The following ABLIM2 variants were observed in gnomAD, a reference collection of about 807,000 sequenced individuals.
The protein encoded by ABLIM2 is actin binding LIM protein family member 2, also known as actin-binding LIM protein 2.
A neutral mutation model predicts 97.7 loss-of-function variants in ABLIM2; 53 were observed. The observed-to-expected ratio is 0.54, with a 90% CI of 0.44 to 0.68. The LOEUF is 0.68. ABLIM2 is among the 30% of genes least tolerant of loss of function. The pLI, the probability that ABLIM2 is intolerant of heterozygous loss-of-function variation, is 0.00. For missense variants in ABLIM2, 835 were observed against 867.2 expected, an observed-to-expected ratio of 0.96 and a Z score of 0.47; for synonymous variants, 361 against 345.8, an observed-to-expected ratio of 1.04 and a Z score of -0.49.
rs143097891 is a variant in ABLIM2 at position 8,070,562 on chromosome 4, G to A, written c.675+7066C>T. Among the ~76,000 whole-genome samples, 41 of 152,240 alleles carry A rather than the reference G, an allele frequency of 2.7e-4. 1 individual carries two copies. The highest frequency in any genetic ancestry group is 7.2e-4 in the African/African-American group (30 of 41,520). On this transcript the variant is annotated intron_variant, in intron 6 of 20. Coordinates refer to ENST00000447017, the MANE Select transcript of ABLIM2 (RefSeq NM_001130083.2). Reference sequence around the variant, plus strand: ...GTGCTTCCTGCCCCAAGACAGACAGGAGGAAGCAAAGAACAAATGTCCCGC... The same window carrying A: ...GTGCTTCCTGCCCCAAGACAGACAGAAGGAAGCAAAGAACAAATGTCCCGC...
At chr4:8,035,768 G>A (rs956090390) in intron 10 of ABLIM2, among the ~76,000 whole-genome samples, 8 of 152,314 alleles carry the variant, frequency 5.3e-5, no homozygotes, top group African/African-American at 1.4e-4. Context: ...AGGGTGGCAC[G>A]GGCCAAGAGT....
rs1262844244 is a variant in ABLIM2, at chr4:8,130,888, C to T, written c.11-24251G>A. ...CTTGCCTGGCTGCTGGGGCGGCCTG[C>T]ATTTCCTGACTTGTGGACGGCAAGG... On this transcript the variant is annotated intron_variant, in intron 1 of 20. Coordinates refer to ENST00000447017, the MANE Select transcript of ABLIM2 (RefSeq NM_001130083.2). The surrounding 1 kb of genome is among the most constrained non-coding windows in gnomAD (Gnocchi z 4.2). Among the ~76,000 whole-genome samples the T allele has an allele frequency of 6.6e-6, 1 of 152,208 alleles. No individual in the cohort carries two copies. The highest frequency in any genetic ancestry group is 1.5e-5 in the Non-Finnish European group (1 of 68,034).
rs1163722952 is a variant in ABLIM2, at chr4:7,966,979, G to A, written c.*11C>T. 4 of 1,609,702 alleles carry A rather than the reference G, an allele frequency of 2.5e-6. No individual in the cohort carries two copies. In the Admixed American group the frequency reaches 5.0e-5, roughly 20 times the overall value. On this transcript the variant is annotated 3_prime_UTR_variant, in exon 21 of 21. Coordinates refer to ENST00000447017, the MANE Select transcript of ABLIM2 (RefSeq NM_001130083.2). ...CGCCCGGCACACACCAGTGGGGCAG[G>A]CTGGCAGCCGTCAGAACAAAAGGGC...
rs538126410 is a variant in ABLIM2, at chr4:8,083,764, C to T, written c.455-2962G>A. Among the ~76,000 whole-genome samples, 1 of 152,200 alleles carries T rather than the reference C, an allele frequency of 6.6e-6. No homozygotes were observed. Reference sequence around the variant, plus strand: ...GATGTCCCTAGCAGGGCAGAAGGGGCCCCAGGACCCCCCAATGTCAGCTGG... The same window carrying T: ...GATGTCCCTAGCAGGGCAGAAGGGGTCCCAGGACCCCCCAATGTCAGCTGG... On this transcript the variant is annotated intron_variant, in intron 4 of 20. Transcript: ENST00000447017. This position sits in a 1 kb window ranked among gnomAD's most constrained non-coding sequence, Gnocchi z 4.6.
rs1820781133 is a variant in ABLIM2, at chr4:8,082,819, A to G, written c.455-2017T>C. Among the ~76,000 whole-genome samples the G allele has an allele frequency of 6.6e-6, 1 of 152,180 alleles. No individual in the cohort carries two copies. Among genetic ancestry groups the G allele is most frequent in the African/African-American group, 2.4e-5 (1 of 41,448 alleles). ...CTCAAGTCCAGGAGGCGACCCCCAC[A>G]TCACCCAATCTGCCGCGCTCCTTCC... On this transcript the variant is annotated intron_variant, in intron 4 of 20. Transcript: ENST00000447017. The surrounding 1 kb of genome is among the most constrained non-coding windows in gnomAD (Gnocchi z 5.6).
chr4:8,099,381 C>T (rs1833338238), intron 2 of ABLIM2, among the ~76,000 whole-genome samples: 1 of 152,136 alleles, frequency 6.6e-6, no homozygotes, highest in Admixed American at 6.5e-5. Flanking sequence ...GTGAGCTGTT[C>T]CTTGAAGGAG....
At chr4:7,995,864 C>T (rs1439414846) in intron 16 of ABLIM2, among the ~76,000 whole-genome samples, 1 of 152,184 alleles carries the variant, frequency 6.6e-6, no homozygotes, top group Non-Finnish European at 1.5e-5. Context: ...TCCTCGGCAC[C>T]CCCAAGTAAA....
At chr4:8,027,011 G>A (rs1459244666) in intron 12 of ABLIM2, among the ~76,000 whole-genome samples, 1 of 152,162 alleles carries the variant, frequency 6.6e-6, no homozygotes, top group African/African-American at 2.4e-5. Context: ...ACCTGAGTGT[G>A]TGTGGAGAGG....
intron 7 of ABLIM2, among the ~76,000 whole-genome samples, chr4:8,056,823 T>TCGGGAGGCTGAGG (rs1457149693): frequency 6.7e-6 from 1 of 149,322 alleles, no homozygotes; most frequent in African/African-American, 2.5e-5. Flanking sequence ...TCCCAGCTGC[T>TCGGGAGGCTGAGG]CGGGAGGCTG....
chr4:8,058,052 G>T lies in ABLIM2; in HGVS notation c.763+2915C>A, dbSNP rs139612770. 5.0e-3 allele frequency among the ~76,000 whole-genome samples: 766 copies of T among 152,378 alleles called. 3 individuals are homozygous for T. The highest frequency in any genetic ancestry group is 0.018 in the African/African-American group (735 of 41,588). On this transcript the variant is annotated intron_variant, in intron 7 of 20. Coordinates refer to ENST00000447017, the MANE Select transcript of ABLIM2 (RefSeq NM_001130083.2). This position sits in a 1 kb window ranked among gnomAD's most constrained non-coding sequence, Gnocchi z 4.2. ...TCCCACAGAACCTCACAGCAGAAGCGGGGGCTGGCCTCAGGCCAGTCCTGA... is the reference window on the plus strand; with the variant it reads ...TCCCACAGAACCTCACAGCAGAAGCTGGGGCTGGCCTCAGGCCAGTCCTGA...
intron 14 of ABLIM2, among the ~76,000 whole-genome samples, chr4:8,018,619 A>G (rs1368745667): frequency 6.6e-6 from 1 of 152,254 alleles, no homozygotes; most frequent in Non-Finnish European, 1.5e-5. Context: ...TGGAGAAAGT[A>G]TTTTAAAAGT....
At chr4:8,116,159 C>G (rs993650050) in intron 1 of ABLIM2, among the ~76,000 whole-genome samples, 1 of 152,236 alleles carries the variant, frequency 6.6e-6, no homozygotes, top group African/African-American at 2.4e-5. Flanking sequence ...CCCCTCCCAA[C>G]CCGTGAATGT....
intron 8 of ABLIM2, among the ~76,000 whole-genome samples, chr4:8,051,120 C>T (rs776808069): frequency 8.1e-4 from 123 of 152,350 alleles, no homozygotes; most frequent in Non-Finnish European, 1.5e-3. Flanking sequence ...GTCTCATGGC[C>T]GCTCCACAGT....
At position 8,005,336 on chromosome 4, in the gene ABLIM2, T is replaced by G. The variant is rs753648494; in HGVS notation, c.1618+2723A>C. On this transcript the variant is annotated intron_variant, in intron 16 of 20. Transcript: ENST00000447017. This position sits in a 1 kb window ranked among gnomAD's most constrained non-coding sequence, Gnocchi z 4.9. The stretch of plus-strand genomic sequence containing the variant: ...GTGCTCAATAAATACCCGTTGAATG[T>G]AACGCATTTCAATTCAACAGACATT... 1 of 533,332 alleles carries G rather than the reference T, an allele frequency of 1.9e-6. No individual in the cohort carries two copies. The highest frequency in any genetic ancestry group is 3.8e-6 in the Non-Finnish European group (1 of 260,058). 33.0% of individuals were successfully genotyped at this position (533,332 alleles called of 1,614,324 possible).
chr4:7,978,523 C>T (rs1444905426), intron 20 of ABLIM2, among the ~76,000 whole-genome samples: 2 of 152,192 alleles, frequency 1.3e-5, no homozygotes, highest in Admixed American at 1.3e-4. Context: ...CCCAACAGGC[C>T]CCTGGACGCT....
chr4:8,044,641 G>GAC lies in ABLIM2; in HGVS notation c.900+521_900+522dup, dbSNP rs531358817. ...ATTATGGAAGCGTGTGAGGCGCACA[G>GAC]ACACACACACACACACACACACACA... On this transcript the variant is annotated intron_variant, in intron 9 of 20. Transcript: ENST00000447017. This position sits in a 1 kb window ranked among gnomAD's most constrained non-coding sequence, Gnocchi z 4.4. 0.014 allele frequency among the ~76,000 whole-genome samples: 1,700 copies of GAC among 124,196 alleles called. 19 individuals are homozygous for GAC. Among genetic ancestry groups the GAC allele is most frequent in the Admixed American group, 0.017 (197 of 11,700 alleles). 81.5% of individuals were successfully genotyped at this position (124,196 alleles called of 152,430 possible).
In ABLIM2 at chr4:8,005,092, G is replaced by T. The variant is rs1277844084; in HGVS notation, c.1618+2967C>A. 6.6e-6 allele frequency among the ~76,000 whole-genome samples: 1 copy of T among 152,240 alleles called. No homozygotes were observed. The highest frequency in any genetic ancestry group is 2.4e-5 in the African/African-American group (1 of 41,464). On this transcript the variant is annotated intron_variant, in intron 16 of 20. Transcript: ENST00000447017. This position sits in a 1 kb window ranked among gnomAD's most constrained non-coding sequence, Gnocchi z 4.9. Reference sequence around the variant, plus strand: ...GACTGAATGATGAACTCAGTCCCGGGTGAGATGTGCAGATGGTGTTGTGGG... The same window carrying T: ...GACTGAATGATGAACTCAGTCCCGGTTGAGATGTGCAGATGGTGTTGTGGG...
intron 7 of ABLIM2, among the ~76,000 whole-genome samples, chr4:8,060,180 T>C (rs1802079346): frequency 6.6e-6 from 1 of 152,104 alleles, no homozygotes; most frequent in African/African-American, 2.4e-5. Flanking sequence ...ACCTGCATTG[T>C]GAAGGTATAA....
Position 8,127,713 on chromosome 4 carries a change from A to G in ABLIM2, c.11-21076T>C. ...CAGGGCTCCCACAAGGTCACGTGGC[A>G]GCTGCCACCCTCTGCCCGGGGAGGG... On this transcript the variant is annotated intron_variant, in intron 1 of 20. Coordinates refer to ENST00000447017, the MANE Select transcript of ABLIM2 (RefSeq NM_001130083.2). This position sits in a 1 kb window ranked among gnomAD's most constrained non-coding sequence, Gnocchi z 7.3. The G allele has an allele frequency of 8.1e-7, 1 of 1,235,672 alleles. No homozygotes were observed. Among genetic ancestry groups the G allele is most frequent in the South Asian group, 1.4e-5 (1 of 74,070 alleles). The allele number at this position is 1,235,672 out of a possible 1,614,324, so 76.5% of individuals were successfully genotyped here. A position where few individuals can be genotyped will look rare whatever the true frequency, so the allele number is the denominator to read the frequency against.
Sources: gnomAD v4.1 joint callset for allele counts (sites outside exome capture counted in the v4.1 genomes callset) on GRCh38, gnomAD v4.1.1 for gene constraint, Gnocchi (gnomAD v3.1) non-coding constraint, MANE v1.5 for transcripts, NCBI Gene and HGNC (gene_info 2026-07-23, HGNC 2026-07-21) for gene names.